The following BTN3A2 variants were observed in gnomAD, a reference collection of about 807,000 sequenced individuals.
The protein encoded by BTN3A2 is butyrophilin subfamily 3 member A2.
BTN3A2 carries 25 observed loss-of-function variants against 37.6 expected under a neutral mutation model. The observed-to-expected ratio is 0.66, with a 90% CI of 0.48 to 0.93. The LOEUF (loss-of-function observed/expected upper bound fraction) is 0.93, where lower values mean the gene tolerates loss of function less well. BTN3A2 is among the 40% of genes least tolerant of loss of function. The pLI, the probability that BTN3A2 is intolerant of heterozygous loss-of-function variation, is 0.00. For missense variants in BTN3A2, 266 were observed against 410.9 expected (o/e 0.65, Z 3.05); for synonymous variants, 122 against 159.4 (o/e 0.77, Z 1.77).
intron 1 of BTN3A2, among the ~76,000 whole-genome samples, chr6:26,367,528 T>C (rs1431741809): frequency 2.0e-5 from 3 of 152,250 alleles, no homozygotes; most frequent in Non-Finnish European, 4.4e-5. Flanking sequence ...TTCCTAACTC[T>C]ACCATAGTGG....
In BTN3A2 at chr6:26,376,720, G is replaced by A. The variant is rs754160156; in HGVS notation, c.*958G>A. The A allele has an allele frequency of 1.0e-3, 1,584 of 1,582,266 alleles. 1 individual carries two copies. The highest frequency in any genetic ancestry group is 4.2e-3 in the Middle Eastern group (25 of 5,968). On this transcript the variant is annotated 3_prime_UTR_variant, in exon 11 of 11. Coordinates refer to ENST00000377708, the MANE Select transcript of BTN3A2 (RefSeq NM_007047.5). ...CGTTACTGTGTGCTTGGCTGTGAAAGCTTCATGTCAGAGAGACACTACTGG... is the reference window on the plus strand; with the variant it reads ...CGTTACTGTGTGCTTGGCTGTGAAAACTTCATGTCAGAGAGACACTACTGG...
intron 1 of BTN3A2, among the ~76,000 whole-genome samples, chr6:26,365,853 G>A (rs887393730): frequency 1.3e-5 from 2 of 152,118 alleles, no homozygotes; most frequent in Admixed American, 1.3e-4. Flanking sequence ...AGTAAAATCT[G>A]AACCAACATA....
chr6:26,367,221 G>A (rs1437962187), intron 1 of BTN3A2, among the ~76,000 whole-genome samples: 2 of 152,114 alleles, frequency 1.3e-5, no homozygotes, highest in East Asian at 1.9e-4. Flanking sequence ...TTCCTCCTAG[G>A]GATGAGCCAT....
intron 8 of BTN3A2, 171 bp downstream of exon 8, chr6:26,373,584 T>A (rs1760370226): frequency 4.5e-4 from 100 of 222,748 alleles, no homozygotes; most frequent in Middle Eastern, 1.5e-3. Flanking sequence ...GCTTTTTCTC[T>A]CTAGAAAAAA....
chr6:26,372,867 G>T, intron 5 of BTN3A2, 30 bp from the exon 6 acceptor site: 14 of 1,611,996 alleles, frequency 8.7e-6, no homozygotes, highest in Non-Finnish European at 1.2e-5. Flanking sequence ...GCGCACCAGC[G>T]CCCATGACCT....
At chr6:26,373,237 CTTTTTTTTT>C (rs750198408) in intron 6 of BTN3A2, 30 bp from the exon 7 acceptor site, 88 of 1,352,844 alleles carry the variant, frequency 6.5e-5, no homozygotes, top group Middle Eastern at 4.2e-4. Context: ...AACAGTTCAT[CTTTTTTTTT>C]TTTTTTTTTT....
chr6:26,374,589 G>A (rs1760521086), intron 9 of BTN3A2, 182 bp from the exon 10 acceptor site: 2 of 862,688 alleles, frequency 2.3e-6, no homozygotes, highest in South Asian at 1.7e-5. Context: ...ATGACACAGG[G>A]AGCCAAGCCT....
intron 3 of BTN3A2, 28 bp from the exon 4 acceptor site, chr6:26,368,537 T>C (rs1269537904): frequency 1.2e-6 from 2 of 1,613,918 alleles, no homozygotes; most frequent in Non-Finnish European, 1.7e-6. Flanking sequence ...CAAAACCCTC[T>C]GATGGAGCTT....
At position 26,378,129 on chromosome 6, in the gene BTN3A2, C is replaced by T. The variant is rs1407056722; in HGVS notation, c.*2367C>T. 6.6e-6 allele frequency: 1 copy of T among 152,158 alleles called. No individual in the cohort carries two copies. Among genetic ancestry groups the T allele is most frequent in the African/African-American group, 2.4e-5 (1 of 41,408 alleles). The allele number at this position is 152,158 out of a possible 1,614,324, so 9.4% of individuals were successfully genotyped here. A position where few individuals can be genotyped will look rare whatever the true frequency, so the allele number is the denominator to read the frequency against. On this transcript the variant is annotated 3_prime_UTR_variant, in exon 11 of 11. Transcript: ENST00000377708. The stretch of plus-strand genomic sequence containing the variant: ...TTAATCCCACTATGGACTCAGTCTC[C>T]TGGAAAAGGATCTGTCCACTCCTGG...
At position 26,376,215 on chromosome 6, in the gene BTN3A2, G is replaced by GAA. The variant is rs71544679; in HGVS notation, c.*473_*474dup. 1.7e-3 allele frequency: 128 copies of GAA among 75,340 alleles called. No homozygotes were observed. Among genetic ancestry groups the GAA allele is most frequent in the South Asian group, 5.9e-3 (13 of 2,192 alleles). The allele number at this position is 75,340 out of a possible 1,614,324, so 4.7% of individuals were successfully genotyped here. A position where few individuals can be genotyped will look rare whatever the true frequency, so the allele number is the denominator to read the frequency against. ...GAGACAGAGCGAGACTCTGTCTCAAGAAAAAAAAAAAAAAAAAAAAAGAAA... is the reference window on the plus strand; with the variant it reads ...GAGACAGAGCGAGACTCTGTCTCAAGAAAAAAAAAAAAAAAAAAAAAAAGAAA... On this transcript the variant is annotated 3_prime_UTR_variant, in exon 11 of 11. Transcript: ENST00000377708.
intron 10 of BTN3A2, chr6:26,375,011 G>T: frequency 2.2e-6 from 1 of 455,362 alleles, no homozygotes; most frequent in South Asian, 5.1e-5. Context: ...CCAAGGAGAG[G>T]AGGTGATGCC....
chr6:26,374,020 C>T, intron 8 of BTN3A2: 1 of 324,940 alleles, frequency 3.1e-6, no homozygotes, highest in Non-Finnish European at 5.6e-6. Flanking sequence ...CACATATAGA[C>T]ATGGTGACAC....
rs771119377 is a variant in BTN3A2, at chr6:26,365,374, G to C, written c.-67+22G>C. ...AGGGGTAAGTGCAGGAAATTGATTA[G>C]AGCCTGGGCTACAACGCATGGGAGG... On this transcript the variant is annotated intron_variant, in intron 1 of 10. Coordinates refer to ENST00000377708, the MANE Select transcript of BTN3A2 (RefSeq NM_007047.5). The C allele has an allele frequency of 4.6e-6, 7 of 1,536,020 alleles. No individual in the cohort carries two copies. In the African/African-American group the frequency reaches 9.6e-5, roughly 21 times the overall value.
At chr6:26,374,587 G>C (rs1227897310) in intron 9 of BTN3A2, 184 bp from the exon 10 acceptor site, 3 of 860,748 alleles carry the variant, frequency 3.5e-6, no homozygotes, top group Non-Finnish European at 5.4e-6. Context: ...CCATGACACA[G>C]GGAGCCAAGC....
At chr6:26,374,236 A>T in intron 8 of BTN3A2, 91 bp from the exon 9 acceptor site, 1 of 509,846 alleles carries the variant, frequency 2.0e-6, no homozygotes, top group Non-Finnish European at 3.2e-6. Flanking sequence ...AAAAAAAAAA[A>T]AAAAGACTAG....
In BTN3A2 at chr6:26,377,346, T is replaced by C; in HGVS notation, c.*1584T>C. 1 of 623,716 alleles carries C rather than the reference T, an allele frequency of 1.6e-6. No homozygotes were observed. The highest frequency in any genetic ancestry group is 2.9e-6 in the Non-Finnish European group (1 of 345,814). The allele number at this position is 623,716 out of a possible 1,614,324, so 38.6% of individuals were successfully genotyped here. Reference sequence around the variant, plus strand: ...TATTCCATAGGACAGTTGTTTGAGTTTGGTGCCACCTTATTGGCCCCTTTA... The same window carrying C: ...TATTCCATAGGACAGTTGTTTGAGTCTGGTGCCACCTTATTGGCCCCTTTA... On this transcript the variant is annotated 3_prime_UTR_variant, in exon 11 of 11. Coordinates refer to ENST00000377708, the MANE Select transcript of BTN3A2 (RefSeq NM_007047.5).
intron 5 of BTN3A2, among the ~76,000 whole-genome samples, chr6:26,371,319 C>T (rs1035210142): frequency 6.6e-6 from 1 of 151,974 alleles, no homozygotes; most frequent in African/African-American, 2.4e-5. Flanking sequence ...TAACAAAGCC[C>T]ATGAATTATC....
rs1760734007 is a variant in BTN3A2 at position 26,376,667 on chromosome 6, A to G, written c.*905A>G. The stretch of plus-strand genomic sequence containing the variant: ...AGCGTGCTGAGGAGCCCCATGACCT[A>G]CCAGACAACCCTGAGAGATTTGAAT... On this transcript the variant is annotated 3_prime_UTR_variant, in exon 11 of 11. Transcript: ENST00000377708. 5 of 1,517,726 alleles carry G rather than the reference A, an allele frequency of 3.3e-6. No individual in the cohort carries two copies. The highest frequency in any genetic ancestry group is 2.3e-5 in the East Asian group (1 of 44,232). 94.0% of individuals were successfully genotyped at this position (1,517,726 alleles called of 1,614,324 possible).
chr6:26,375,385 C>G, intron 10 of BTN3A2: 3 of 412,466 alleles, frequency 7.3e-6, no homozygotes, highest in Non-Finnish European at 1.3e-5. Flanking sequence ...AAAGAGGTAG[C>G]TTAACGAGGG....
Sources: allele counts gnomAD v4.1 joint callset (sites outside exome capture counted in the v4.1 genomes callset), GRCh38; gene constraint gnomAD v4.1.1; transcripts MANE v1.5; gene names NCBI Gene and HGNC (gene_info 2026-07-23, HGNC 2026-07-21).